The following SHROOM3 variants were observed in gnomAD, a reference collection of about 807,000 sequenced individuals.
The protein encoded by SHROOM3 is protein Shroom3.
In SHROOM3, 47 loss-of-function variants were observed where a neutral mutation model predicts 138.6. That is an observed-to-expected ratio of 0.34 (90% CI 0.27 to 0.43). The LOEUF is 0.43. SHROOM3 is among the 20% of genes least tolerant of loss of function. The pLI is 1.00. For synonymous variants in SHROOM3, 1,062 were observed against 1,063.3 expected (o/e 1.00, Z 0.02); for missense variants, 2,491 against 2,596.5 (o/e 0.96, Z 0.88).
chr4:76,627,914 T>C (rs1553930300), intron 2 of SHROOM3, among the ~76,000 whole-genome samples: 1 of 152,188 alleles, frequency 6.6e-6, no homozygotes, highest in Non-Finnish European at 1.5e-5. Context: ...ATAGAAGCTA[T>C]AAATATTAGC....
chr4:76,536,545 G>A (rs4859451), intron 1 of SHROOM3, among the ~76,000 whole-genome samples: 102,295 of 151,440 alleles, frequency 0.68, 34,880 homozygotes, highest in East Asian at 0.94. Flanking sequence ...TCAGACAGCT[G>A]ACTCTAGAGG....
chr4:76,572,078 G>T (rs1295608784), intron 2 of SHROOM3, among the ~76,000 whole-genome samples: 1 of 152,020 alleles, frequency 6.6e-6, no homozygotes, highest in Non-Finnish European at 1.5e-5. Flanking sequence ...CTCCATATCT[G>T]CCTCTTTCCT....
chr4:76,593,366 T>C (rs1734315567), intron 2 of SHROOM3, among the ~76,000 whole-genome samples: 1 of 152,188 alleles, frequency 6.6e-6, no homozygotes, highest in Non-Finnish European at 1.5e-5. Context: ...CCAGAGATCA[T>C]GTAATTAATG....
intron 1 of SHROOM3, among the ~76,000 whole-genome samples, chr4:76,486,817 A>G (rs975001963): frequency 1.3e-5 from 2 of 152,178 alleles, no homozygotes; most frequent in African/African-American, 4.8e-5. Flanking sequence ...ACAAAGGTCT[A>G]CTGTGTATCT....
intron 3 of SHROOM3, among the ~76,000 whole-genome samples, chr4:76,729,249 A>G (rs947679916): frequency 6.6e-6 from 1 of 152,152 alleles, no homozygotes; most frequent in Admixed American, 6.5e-5. Context: ...ATTAGAACCC[A>G]GGTTTTTCTT....
At chr4:76,563,328 C>A (rs1233793255) in intron 2 of SHROOM3, among the ~76,000 whole-genome samples, 1 of 152,096 alleles carries the variant, frequency 6.6e-6, no homozygotes, top group Non-Finnish European at 1.5e-5. Context: ...AACCTTTCTG[C>A]TAAGAGGAAA....
Position 76,754,838 on chromosome 4 carries a change from C to CT in SHROOM3, c.4355_4356insT (p.Asn1453LysfsTer19). 6.2e-7 allele frequency: 1 copy of CT among 1,614,184 alleles called. No individual in the cohort carries two copies. The highest frequency in any genetic ancestry group is 8.5e-7 in the Non-Finnish European group (1 of 1,180,026). ...GAGGAATCCTCAGCCCCTGATTTTG[C>CT]AAACCTGAAGCACTATCAAAAACAG... On this transcript the variant is annotated frameshift_variant, in exon 7 of 11. Transcript: ENST00000296043. LOFTEE classifies it high-confidence loss of function.
At chr4:76,463,016 G>A (rs755979272) in intron 1 of SHROOM3, among the ~76,000 whole-genome samples, 39 of 152,276 alleles carry the variant, frequency 2.6e-4, no homozygotes, top group African/African-American at 8.2e-4. Flanking sequence ...GTGTGGCATC[G>A]TCTTTGGAAC....
chr4:76,631,763 T>C (rs915070628), intron 2 of SHROOM3, among the ~76,000 whole-genome samples: 1 of 152,228 alleles, frequency 6.6e-6, no homozygotes, highest in African/African-American at 2.4e-5. Flanking sequence ...GAAAAATTAT[T>C]ATCAACTTTA....
At chr4:76,627,871 G>A (rs1304141326) in intron 2 of SHROOM3, among the ~76,000 whole-genome samples, 1 of 152,066 alleles carries the variant, frequency 6.6e-6, no homozygotes, top group Non-Finnish European at 1.5e-5. Context: ...ATTCACGAAG[G>A]TAATTCAAAA....
chr4:76,741,177 G>A lies in SHROOM3; in HGVS notation c.3004G>A (p.Ala1002Thr), dbSNP rs1340786844. 4 of 1,589,226 alleles carry A rather than the reference G, an allele frequency of 2.5e-6. No homozygotes were observed. Among genetic ancestry groups the A allele is most frequent in the Non-Finnish European group, 3.4e-6 (4 of 1,169,016 alleles). Residue 1002 changes from alanine (A) to threonine (T), a missense_variant, in exon 5 of 11, where the codon GCC becomes ACC. Ala to Thr is a moderately conservative substitution (Grantham distance 58). Transcript: ENST00000296043. The surrounding 1 kb of genome is among the most constrained non-coding windows in gnomAD (Gnocchi z 6.2). ...CGACCTGGCCAGGCCCGTGCCCCCT[G>A]CCGCCCGGAGAGGTGCTCGCCGGCG... Reference protein sequence around the residue: ...EGDLARPVPPAARRGARRRLT... With the variant: ...EGDLARPVPPTARRGARRRLT...
At chr4:76,468,841 C>G (rs1352445730) in intron 1 of SHROOM3, among the ~76,000 whole-genome samples, 1 of 151,854 alleles carries the variant, frequency 6.6e-6, no homozygotes, top group Non-Finnish European at 1.5e-5. Flanking sequence ...ACCAGCCTGG[C>G]CAACACGGTG....
intron 1 of SHROOM3, among the ~76,000 whole-genome samples, chr4:76,498,670 C>G (rs1732020454): frequency 6.6e-6 from 1 of 152,024 alleles, no homozygotes; most frequent in African/African-American, 2.4e-5. Context: ...AGAGCTGGCA[C>G]TGTGCTATTA....
chr4:76,477,850 G>A lies in SHROOM3; in HGVS notation c.168+41630G>A, dbSNP rs142096536. On this transcript the variant is annotated intron_variant, in intron 1 of 10. Coordinates refer to ENST00000296043, the MANE Select transcript of SHROOM3 (RefSeq NM_020859.4). ...GTGAGCAGAAGCAGGGTGGGGCATC[G>A]CCTCACCTGGGAAGTGCAAGGGGTT... 4.0e-3 allele frequency among the ~76,000 whole-genome samples: 609 copies of A among 152,244 alleles called. 4 individuals are homozygous for A. Among genetic ancestry groups the A allele is most frequent in the African/African-American group, 0.013 (559 of 41,538 alleles).
intron 1 of SHROOM3, among the ~76,000 whole-genome samples, chr4:76,444,394 T>TTTCTA (rs1730760467): frequency 6.6e-6 from 1 of 151,156 alleles, no homozygotes; most frequent in Admixed American, 6.6e-5. Context: ...ACAAGTTTTA[T>TTTCTA]TTCTACCCTA....
At chr4:76,441,344 C>G (rs1228413556) in intron 1 of SHROOM3, among the ~76,000 whole-genome samples, 2 of 152,104 alleles carry the variant, frequency 1.3e-5, no homozygotes, top group Non-Finnish European at 2.9e-5. Flanking sequence ...CCACCCACCT[C>G]GGCCTCCCAA....
intron 2 of SHROOM3, among the ~76,000 whole-genome samples, chr4:76,594,015 T>C (rs973842975): frequency 6.6e-5 from 10 of 152,212 alleles, no homozygotes; most frequent in Admixed American, 2.0e-4. Flanking sequence ...GCAGTACTTA[T>C]TACATTCTCA....
intron 1 of SHROOM3, among the ~76,000 whole-genome samples, chr4:76,503,198 T>C (rs557827703): frequency 0.02 from 1,103 of 56,466 alleles, 16 homozygotes; most frequent in African/African-American, 0.056. Context: ...CACACACACA[T>C]GCCTAGAGTT....
At chr4:76,644,291 G>GCCT (rs1735760236) in intron 2 of SHROOM3, 1 of 124,044 alleles carries the variant, frequency 8.1e-6, no homozygotes, top group Admixed American at 8.9e-5. Flanking sequence ...TGCTCTTGTT[G>GCCT]CCCAGGCTGG....
Sources: allele counts gnomAD v4.1 joint callset (sites outside exome capture counted in the v4.1 genomes callset), GRCh38; gene constraint gnomAD v4.1.1; non-coding constraint Gnocchi (gnomAD v3.1); transcripts MANE v1.5; gene names NCBI Gene and HGNC (gene_info 2026-07-23, HGNC 2026-07-21).